Variants in ZNF385C observed in about 807,000 individuals in gnomAD.
ZNF385C encodes the protein CTD-2132N18.2.
In ZNF385C, 28 loss-of-function variants were observed where a neutral mutation model predicts 35.4. The ratio of observed to expected loss-of-function variants is 0.79; its 90% CI spans 0.59 to 1.08. The LOEUF is 1.08. Ranked by LOEUF, ZNF385C falls within the 50% of genes least tolerant of loss-of-function variation. The probability of loss-of-function intolerance (pLI) is 0.00; values close to 1 mark genes in which losing one functional copy is unlikely to be tolerated. For synonymous variants in ZNF385C, 248 were observed against 248.2 expected, an observed-to-expected ratio of 1.00 and a Z score of 0.01; for missense variants, 605 against 595.6, an observed-to-expected ratio of 1.02 and a Z score of -0.16.
intron 1 of ZNF385C, among the ~76,000 whole-genome samples, chr17:42,085,158 G>A (rs948578744): frequency 3.9e-5 from 6 of 152,138 alleles, no homozygotes; most frequent in Admixed American, 6.5e-5. Flanking sequence ...TTAGCCAGGC[G>A]TGGTGGCGTG....
intron 1 of ZNF385C, among the ~76,000 whole-genome samples, chr17:42,090,868 C>A (rs1187938914): frequency 6.6e-6 from 1 of 151,968 alleles, no homozygotes. Context: ...GGCGACAGAG[C>A]GAGACTCCGT....
intron 1 of ZNF385C, among the ~76,000 whole-genome samples, chr17:42,093,095 C>T (rs1213157610): frequency 3.3e-5 from 5 of 152,144 alleles, no homozygotes; most frequent in Non-Finnish European, 5.9e-5. Context: ...TGCAAGAAGC[C>T]GTGGGAGCGA....
intron 1 of ZNF385C, among the ~76,000 whole-genome samples, chr17:42,077,673 A>G (rs1325626968): frequency 6.6e-6 from 1 of 152,214 alleles, no homozygotes; most frequent in Non-Finnish European, 1.5e-5. Flanking sequence ...ACCCCGGCCC[A>G]GCCAGCAGCT....
intron 4 of ZNF385C, among the ~76,000 whole-genome samples, 179 bp downstream of exon 4, chr17:42,034,046 A>C (rs1555655180): frequency 1.3e-5 from 2 of 152,102 alleles, no homozygotes; most frequent in Admixed American, 6.6e-5. Context: ...GAATCTAGAG[A>C]GAGGAGAGGA....
intron 1 of ZNF385C, among the ~76,000 whole-genome samples, chr17:42,081,058 A>G (rs1375898800): frequency 6.6e-6 from 1 of 152,238 alleles, no homozygotes; most frequent in African/African-American, 2.4e-5. Flanking sequence ...AAATTCACTC[A>G]ATAAACACTT....
At chr17:42,042,662 G>A (rs2053053362) in intron 2 of ZNF385C, among the ~76,000 whole-genome samples, 1 of 152,232 alleles carries the variant, frequency 6.6e-6, no homozygotes. Flanking sequence ...TTGTATCCCT[G>A]CAGCTGGCCC....
Position 42,086,543 on chromosome 17 carries a change from A to G in ZNF385C, c.-3+11867T>C, listed in dbSNP as rs1056674775. Among the ~76,000 whole-genome samples, 6 of 151,800 alleles carry G rather than the reference A, an allele frequency of 4.0e-5. No homozygotes were observed. In the East Asian group the frequency reaches 1.2e-3, roughly 30 times the overall value. ...ATGGAGAAACCCTGTCTCTACTAAA[A>G]ATACAAAAATTAGCCAGCCATGGTG... On this transcript the variant is annotated intron_variant, in intron 1 of 8. Transcript: ENST00000692273.
At chr17:42,030,910 A>G (rs1204478855) in intron 5 of ZNF385C, among the ~76,000 whole-genome samples, 1 of 152,164 alleles carries the variant, frequency 6.6e-6, no homozygotes, top group Admixed American at 6.5e-5. Flanking sequence ...AGGCCAGAAG[A>G]GAAGCATGGG....
chr17:42,083,610 G>C (rs958730952), intron 1 of ZNF385C, among the ~76,000 whole-genome samples: 1 of 143,326 alleles, frequency 7.0e-6, no homozygotes, highest in Non-Finnish European at 1.5e-5. Context: ...AAAATCCTGT[G>C]TTGTCTTTAT....
intron 2 of ZNF385C, chr17:42,038,269 C>G (rs1555655695): frequency 5.5e-6 from 3 of 549,572 alleles, no homozygotes; most frequent in Non-Finnish European, 9.5e-6. Context: ...AAATTAAACT[C>G]AAACCCAGGG....
At chr17:42,043,039 G>A (rs1243403453) in intron 2 of ZNF385C, 28 of 1,232,194 alleles carry the variant, frequency 2.3e-5, no homozygotes, top group East Asian at 3.2e-5. Context: ...GGCAGGGGTC[G>A]TAGCCAGGCC....
intron 1 of ZNF385C, among the ~76,000 whole-genome samples, chr17:42,073,426 C>T (rs111470872): frequency 2.4e-3 from 357 of 151,758 alleles, no homozygotes; most frequent in African/African-American, 8.2e-3. Flanking sequence ...AAAAGTGAAA[C>T]TTCGTCTCAA....
rs141003134 is a variant in ZNF385C at position 42,072,362 on chromosome 17, C to T, written c.-2-9304G>A. Among the ~76,000 whole-genome samples, 966 of 152,254 alleles carry T rather than the reference C, an allele frequency of 6.3e-3. 8 individuals are homozygous for T. Among genetic ancestry groups the T allele is most frequent in the Middle Eastern group, 0.031 (9 of 294 alleles). On this transcript the variant is annotated intron_variant, in intron 1 of 8. Transcript: ENST00000692273. ...TTGCCATCACCCTTGGTGTCCTCCT[C>T]GCGACCTCAGTTTCCGGTTAAGTTG...
Position 42,027,725 on chromosome 17 carries a change from T to C in ZNF385C, c.1168A>G (p.Met390Val). The C allele has an allele frequency of 6.2e-7, 1 of 1,612,366 alleles. No individual in the cohort carries two copies. Among genetic ancestry groups the C allele is most frequent in the Non-Finnish European group, 8.5e-7 (1 of 1,179,410 alleles). Reference sequence around the variant, plus strand: ...CGGTCTTTGTGCCTCCTGCTGCTCATGTGCTAATGGACAGACAGACAGACT... The same window carrying C: ...CGGTCTTTGTGCCTCCTGCTGCTCACGTGCTAATGGACAGACAGACAGACT... ...VNSETQLKQH[M>V]SSRRHKDRLA... The change falls in exon 8 of 9, where the codon ATG becomes GTG. Residue 390 changes from methionine (M) to valine (V), a missense_variant. Coordinates refer to ENST00000692273, the MANE Select transcript of ZNF385C (RefSeq NM_001392013.1).
chr17:42,071,976 C>T (rs961396346), intron 1 of ZNF385C, among the ~76,000 whole-genome samples: 1 of 152,172 alleles, frequency 6.6e-6, no homozygotes, highest in African/African-American at 2.4e-5. Flanking sequence ...GGCCAGGGGC[C>T]CCCCCATGCC....
At chr17:42,089,865 A>T (rs2053846695) in intron 1 of ZNF385C, among the ~76,000 whole-genome samples, 1 of 152,238 alleles carries the variant, frequency 6.6e-6, no homozygotes, top group Non-Finnish European at 1.5e-5. Flanking sequence ...CTACAGGGGA[A>T]AAACAAAAAT....
At chr17:42,037,650 C>A in intron 3 of ZNF385C, 87 bp downstream of exon 3, 1 of 1,411,758 alleles carries the variant, frequency 7.1e-7, no homozygotes, top group Non-Finnish European at 9.3e-7. Context: ...TTAGACCCAG[C>A]TGCTGAGAGC....
intron 2 of ZNF385C, chr17:42,040,744 T>G (rs1235450327): frequency 9.6e-5 from 118 of 1,232,066 alleles, no homozygotes; most frequent in Non-Finnish European, 1.2e-4. Flanking sequence ...AGGGACCAAG[T>G]GGGAACTAGG....
intron 3 of ZNF385C, 25 bp downstream of exon 3, chr17:42,037,712 C>T (rs782780379): frequency 1.6e-4 from 241 of 1,492,728 alleles, no homozygotes; most frequent in Non-Finnish European, 2.0e-4. Flanking sequence ...GTGTGCATGC[C>T]CCCACCCGCC....
Sources: gnomAD v4.1 joint callset for allele counts (sites outside exome capture counted in the v4.1 genomes callset) on GRCh38, gnomAD v4.1.1 for gene constraint, MANE v1.5 for transcripts, NCBI Gene and HGNC (gene_info 2026-07-23, HGNC 2026-07-21) for gene names.